The following PBRM1 variants were observed in gnomAD, a reference collection of about 807,000 sequenced individuals.
PBRM1 encodes protein polybromo-1.
In PBRM1, 27 loss-of-function variants were observed where a neutral mutation model predicts 194.5. The ratio of observed to expected loss-of-function variants is 0.14; its 90% CI spans 0.10 to 0.19. The LOEUF (loss-of-function observed/expected upper bound fraction) is 0.19. PBRM1 is among the 10% of genes least tolerant of loss of function. The pLI, the probability that PBRM1 is intolerant of heterozygous loss-of-function variation, is 1.00. For synonymous variants in PBRM1, 655 were observed against 693.2 expected, an observed-to-expected ratio of 0.94 and a Z score of 0.87; for missense variants, 1,466 against 2,077.2, an observed-to-expected ratio of 0.71 and a Z score of 5.72.
At chr3:52,636,195 A>G (rs1468916481) in intron 10 of PBRM1, among the ~76,000 whole-genome samples, 1 of 152,178 alleles carries the variant, frequency 6.6e-6, no homozygotes, top group Non-Finnish European at 1.5e-5. Context: ...TCTATCAGAC[A>G]TGATTTAGCC....
chr3:52,607,994 C>T (rs1486538434), intron 16 of PBRM1, among the ~76,000 whole-genome samples: 1 of 152,220 alleles, frequency 6.6e-6, no homozygotes, highest in Non-Finnish European at 1.5e-5. Context: ...ATCCTCTGGC[C>T]TATTCATTTG....
chr3:52,617,183 G>T (rs566851405), intron 14 of PBRM1, 79 bp downstream of exon 16: 17 of 1,110,460 alleles, frequency 1.5e-5, no homozygotes, highest in Non-Finnish European at 2.2e-5. Flanking sequence ...CTCTAGAGCT[G>T]GTCTCTCAAA....
At chr3:52,596,543 C>G (rs2093579847) in intron 17 of PBRM1, among the ~76,000 whole-genome samples, 1 of 144,562 alleles carries the variant, frequency 6.9e-6, no homozygotes, top group Non-Finnish European at 1.5e-5. Flanking sequence ...CCCAAGGGCT[C>G]TTTAGTCAGC....
At chr3:52,658,665 T>C (rs890300789) in intron 4 of PBRM1, among the ~76,000 whole-genome samples, 8 of 152,194 alleles carry the variant, frequency 5.3e-5, no homozygotes, top group Non-Finnish European at 5.9e-5. Context: ...GTGCTGGGAT[T>C]ACAGGCATGA....
At chr3:52,653,437 A>C (rs909645803) in intron 5 of PBRM1, among the ~76,000 whole-genome samples, 1 of 151,976 alleles carries the variant, frequency 6.6e-6, no homozygotes. Flanking sequence ...TAAAAATTCA[A>C]AATTAGCCTG....
intron 17 of PBRM1, among the ~76,000 whole-genome samples, chr3:52,597,974 G>T (rs994547789): frequency 2.0e-5 from 3 of 152,140 alleles, no homozygotes; most frequent in African/African-American, 7.2e-5. Context: ...AAAGTGCTGG[G>T]ATTACAGGCG....
At chr3:52,569,966 T>C (rs1156946365) in intron 22 of PBRM1, among the ~76,000 whole-genome samples, 2 of 152,142 alleles carry the variant, frequency 1.3e-5, no homozygotes, top group African/African-American at 4.8e-5. Flanking sequence ...CTATTTTGTT[T>C]CTTTTCTTTT....
chr3:52,571,780 G>C (rs775978442), intron 22 of PBRM1, among the ~76,000 whole-genome samples: 1 of 147,576 alleles, frequency 6.8e-6, no homozygotes, highest in Non-Finnish European at 1.5e-5. Context: ...CAGCACTTTC[G>C]GGGAGGCTGA....
chr3:52,596,221 C>T (rs1270687611), intron 17 of PBRM1, among the ~76,000 whole-genome samples: 1 of 151,580 alleles, frequency 6.6e-6, no homozygotes, highest in Non-Finnish European at 1.5e-5. Context: ...GGGTGGATCA[C>T]GAGGTCAAGA....
chr3:52,654,736 C>T (rs1425673917), intron 5 of PBRM1, among the ~76,000 whole-genome samples: 2 of 152,086 alleles, frequency 1.3e-5, no homozygotes, highest in East Asian at 1.9e-4. Flanking sequence ...TGAGCGAAGA[C>T]AGTACTTCTA....
At chr3:52,637,633 A>G (rs901608472) in intron 10 of PBRM1, among the ~76,000 whole-genome samples, 25 of 150,830 alleles carry the variant, frequency 1.7e-4, no homozygotes, top group African/African-American at 6.1e-4. Flanking sequence ...ACCCAGTCTC[A>G]AGAAAAAAAG....
intron 1 of PBRM1, among the ~76,000 whole-genome samples, chr3:52,679,247 C>A (rs1007264078): frequency 3.3e-5 from 5 of 150,878 alleles, no homozygotes; most frequent in African/African-American, 1.2e-4. Context: ...CATTCTACTT[C>A]CCCCGCCTGG....
At position 52,609,091 on chromosome 3, in the gene PBRM1, C is replaced by T; in HGVS notation, c.2567+222G>A. 4.7e-6 allele frequency: 2 copies of T among 426,402 alleles called. No homozygotes were observed. The highest frequency in any genetic ancestry group is 8.3e-6 in the Non-Finnish European group (2 of 240,758). The allele number at this position is 426,402 out of a possible 1,614,324, so 26.4% of individuals were successfully genotyped here. ...TCAAGAGATTTTCAATTTTGTCTTCCTCCTCACTGGCCTTAAACTAGATGA... is the reference window on the plus strand; with the variant it reads ...TCAAGAGATTTTCAATTTTGTCTTCTTCCTCACTGGCCTTAAACTAGATGA... On this transcript the variant is annotated intron_variant, in intron 16 of 29. Coordinates refer to ENST00000296302, the Ensembl canonical transcript of PBRM1. This position sits in a 1 kb window ranked among gnomAD's most constrained non-coding sequence, Gnocchi z 4.1.
At chr3:52,590,360 A>G (rs71299606) in intron 17 of PBRM1, among the ~76,000 whole-genome samples, 1 of 151,932 alleles carries the variant, frequency 6.6e-6, no homozygotes, top group African/African-American at 2.4e-5. Context: ...GGAGGTTGAG[A>G]CAGAAGAATC....
chr3:52,562,157 T>TAA (rs11295229), intron 24 of PBRM1, among the ~76,000 whole-genome samples, 189 bp from the exon 27 acceptor site: 1 of 148,232 alleles, frequency 6.7e-6, no homozygotes, highest in African/African-American at 2.5e-5. Context: ...CCGTTTCTAC[T>TAA]AAAAAAAAAA....
exon 25 of PBRM1, chr3:52,561,860 C>A (rs2153491326): frequency 6.2e-7 from 1 of 1,614,146 alleles, no homozygotes; most frequent in African/African-American, 1.3e-5. Context: ...GGGTGTTGGG[C>A]CTTAATCACA....
At position 52,565,069 on chromosome 3, in the gene PBRM1, T is replaced by A. The variant is rs1559907150; in HGVS notation, c.3692-836A>T. On this transcript the variant is annotated intron_variant, in intron 22 of 29. Coordinates refer to ENST00000296302, the Ensembl canonical transcript of PBRM1. Reference sequence around the variant, plus strand: ...CAAAAATTAGCTGGGCGTGGTGGCGTGCACCTGTACTCCCAGCTACTCAGG... The same window carrying A: ...CAAAAATTAGCTGGGCGTGGTGGCGAGCACCTGTACTCCCAGCTACTCAGG... 2.6e-5 allele frequency among the ~76,000 whole-genome samples: 4 copies of A among 151,024 alleles called. No homozygotes were observed. The South Asian group carries it at 6.3e-4, about 24-fold the overall frequency.
chr3:52,644,147 T>C (rs938628641), intron 8 of PBRM1, among the ~76,000 whole-genome samples: 1 of 151,824 alleles, frequency 6.6e-6, no homozygotes, highest in Admixed American at 6.6e-5. Context: ...TATATATGTA[T>C]ATTCATATTT....
At chr3:52,657,754 G>A (rs1244357173) in intron 5 of PBRM1, among the ~76,000 whole-genome samples, 6 of 150,918 alleles carry the variant, frequency 4.0e-5, no homozygotes, top group African/African-American at 1.2e-4. Context: ...ACAGGCGTGA[G>A]CCACTGCGCC....
Sources: allele counts gnomAD v4.1 joint callset (sites outside exome capture counted in the v4.1 genomes callset), GRCh38; gene constraint gnomAD v4.1.1; non-coding constraint Gnocchi (gnomAD v3.1); transcripts MANE v1.5; gene names NCBI Gene and HGNC (gene_info 2026-07-23, HGNC 2026-07-21).